Variants in BCL3 observed in about 807,000 individuals in gnomAD.
BCL3 encodes the protein BCL3 transcription coactivator.
Under a neutral mutation model 35.7 loss-of-function variants are expected in BCL3, and 15 were observed. That is an observed-to-expected ratio of 0.42 (90% CI 0.28 to 0.65). The LOEUF (loss-of-function observed/expected upper bound fraction) is 0.65. BCL3 is among the 30% of genes least tolerant of loss of function. The probability of loss-of-function intolerance (pLI) is 0.22; values close to 1 mark genes in which losing one functional copy is unlikely to be tolerated. For synonymous variants in BCL3, 311 were observed against 284.3 expected (o/e 1.09, Z -0.95); for missense variants, 565 against 641.7 (o/e 0.88, Z 1.29).
rs1166137929 is a variant in BCL3 at position 44,748,932 on chromosome 19, C to G, written c.142C>G (p.Arg48Gly). Residue 48 changes from arginine to glycine, a missense_variant, in exon 1 of 9, where the codon CGC becomes GGC. This residue lies in a region of BCL3 where 267 missense variants were observed against 281.5 expected (regional missense o/e 0.95). Transcript: ENST00000164227. ...RAPSPEPAAP[R>G]GAAGLVVPLD... ...GCCCTCCCCGGAGCCCGCCGCTCCC[C>G]GCGGCGCTGCGGGCCTTGTCGTCCC... 7 of 1,202,644 alleles carry G rather than the reference C, an allele frequency of 5.8e-6. No homozygotes were observed. Among genetic ancestry groups the G allele is most frequent in the Admixed American group, 4.3e-5 (1 of 23,246 alleles). 74.5% of individuals were successfully genotyped at this position (1,202,644 alleles called of 1,614,324 possible). A position where few individuals can be genotyped will look rare whatever the true frequency, so the allele number is the denominator to read the frequency against.
At chr19:44,755,606 C>T (rs1967264913) in intron 2 of BCL3, 1 of 152,382 alleles carries the variant, frequency 6.6e-6, no homozygotes, top group Non-Finnish European at 1.5e-5. Context: ...CCTCACCTCC[C>T]TTTTAGTCAA....
In BCL3 at chr19:44,756,512, G is replaced by A. The variant is rs371147596; in HGVS notation, c.519+172G>A. 8.8e-3 allele frequency among the ~76,000 whole-genome samples: 1,305 copies of A among 148,790 alleles called. 27 individuals are homozygous for A. Among genetic ancestry groups the A allele is most frequent in the South Asian group, 0.049 (226 of 4,592 alleles). Reference sequence around the variant, plus strand: ...CTCCTGGGTCTGATGGAGGAGGGCTGCGGGCCTGGGATCCGGGGTCTGATG... The same window carrying A: ...CTCCTGGGTCTGATGGAGGAGGGCTACGGGCCTGGGATCCGGGGTCTGATG... On this transcript the variant is annotated intron_variant, in intron 3 of 8. Coordinates refer to ENST00000164227, the MANE Select transcript of BCL3 (RefSeq NM_005178.5).
At chr19:44,755,544 A>G (rs772802983) in intron 2 of BCL3, 1 of 152,208 alleles carries the variant, frequency 6.6e-6, no homozygotes, top group Non-Finnish European at 1.5e-5. Flanking sequence ...TCAGTCTAGA[A>G]GGGGGTTCTG....
chr19:44,751,411 G>T (rs1444059646), intron 2 of BCL3, 31 bp downstream of exon 2: 4 of 1,526,856 alleles, frequency 2.6e-6, no homozygotes, highest in African/African-American at 1.4e-5. Flanking sequence ...AAGGGGAGGG[G>T]TGGTTGGGAA....
upstream of BCL3, chr19:44,748,668 C>G: frequency 9.7e-7 from 1 of 1,034,270 alleles, no homozygotes. Context: ...CGGCCGGCAC[C>G]GCCCCGGCCG....
Position 44,759,651 on chromosome 19 carries a change from G to C in BCL3, c.*36G>C. On this transcript the variant is annotated 3_prime_UTR_variant, in exon 9 of 9. Coordinates refer to ENST00000164227, the MANE Select transcript of BCL3 (RefSeq NM_005178.5). ...GGGGCAGATCTTGGACTCATGAGGA[G>C]GGGCCCCCCTGCCCTGTGGGGTCAA... The C allele has an allele frequency of 6.5e-7, 1 of 1,536,016 alleles. No homozygotes were observed. The highest frequency in any genetic ancestry group is 2.3e-5 in the East Asian group (1 of 43,144).
In BCL3 at chr19:44,759,784, C is replaced by T; in HGVS notation, c.*169C>T. 1 of 534,872 alleles carries T rather than the reference C, an allele frequency of 1.9e-6. No individual in the cohort carries two copies. Among genetic ancestry groups the T allele is most frequent in the South Asian group, 2.5e-5 (1 of 40,158 alleles). 33.1% of individuals were successfully genotyped at this position (534,872 alleles called of 1,614,324 possible). A position where few individuals can be genotyped will look rare whatever the true frequency, so the allele number is the denominator to read the frequency against. On this transcript the variant is annotated 3_prime_UTR_variant, in exon 9 of 9. Coordinates refer to ENST00000164227, the MANE Select transcript of BCL3 (RefSeq NM_005178.5). ...ACCCATACACCCCCTCTTCTGAGCA[C>T]AGATGTTCCCCCATCTCGCTCCCTC... is the stretch of plus-strand genomic sequence containing the variant.
intron 7 of BCL3, 118 bp downstream of exon 7, chr19:44,758,531 T>A: frequency 7.2e-7 from 1 of 1,393,084 alleles, no homozygotes; most frequent in Non-Finnish European, 9.7e-7. Flanking sequence ...TGGAGGGGAG[T>A]GGGTGAGCCT....
Position 44,757,489 on chromosome 19 carries a change from G to T in BCL3, c.813+74G>T. On this transcript the variant is annotated intron_variant, in intron 5 of 8. Coordinates refer to ENST00000164227, the MANE Select transcript of BCL3 (RefSeq NM_005178.5). The surrounding 1 kb of genome is among the most constrained non-coding windows in gnomAD (Gnocchi z 8.4). ...GGGTCTTGGCGGGGGCGGGGCCAGT[G>T]TGGGGCTGGCGTGGGAGAGCACCCG... The T allele has an allele frequency of 6.7e-7, 1 of 1,482,244 alleles. No homozygotes were observed. Among genetic ancestry groups the T allele is most frequent in the Non-Finnish European group, 9.2e-7 (1 of 1,090,120 alleles). The allele number at this position is 1,482,244 out of a possible 1,614,324, so 91.8% of individuals were successfully genotyped here.
At position 44,759,558 on chromosome 19, in the gene BCL3, G is replaced by T; in HGVS notation, c.1308G>T (p.Gly436=). ...CACCCGCCTTCCTGCCCTTTGCTGG[G>T]GTCCTCCGAGGCCCTGGCCGGCCGG... ...PSPPAFLPFA[G]VLRGPGRPVP... is the part of the protein sequence containing the mutation. Residue 436 remains glycine, a synonymous_variant, in exon 9 of 9, where the codon GGG becomes GGT. Coordinates refer to ENST00000164227, the MANE Select transcript of BCL3 (RefSeq NM_005178.5). 1 of 1,611,918 alleles carries T rather than the reference G, an allele frequency of 6.2e-7. No homozygotes were observed. The highest frequency in any genetic ancestry group is 1.1e-5 in the South Asian group (1 of 90,954).
At chr19:44,751,526 C>A in intron 2 of BCL3, 146 bp downstream of exon 2, 1 of 817,516 alleles carries the variant, frequency 1.2e-6, no homozygotes, top group Non-Finnish European at 1.8e-6. Context: ...CTTCCCTGCT[C>A]TGAGCCTCAG....
At position 44,759,966 on chromosome 19, in the gene BCL3, G is replaced by A. The variant is rs757965417; in HGVS notation, c.*351G>A. 11 of 295,954 alleles carry A rather than the reference G, an allele frequency of 3.7e-5. No homozygotes were observed. Among genetic ancestry groups the A allele is most frequent in the East Asian group, 2.1e-4 (4 of 18,658 alleles). The allele number at this position is 295,954 out of a possible 1,614,324, so 18.3% of individuals were successfully genotyped here. A position where few individuals can be genotyped will look rare whatever the true frequency, so the allele number is the denominator to read the frequency against. ...TAACTGAGGAGGGGAGAGGTGGGCC[G>A]TAACGGGCACGGATCACGATGTAAA... On this transcript the variant is annotated 3_prime_UTR_variant, in exon 9 of 9. Transcript: ENST00000164227.
upstream of BCL3, chr19:44,747,884 G>A (rs978980109): frequency 1.3e-4 from 146 of 1,151,098 alleles, no homozygotes; most frequent in Non-Finnish European, 1.5e-4. Context: ...CCGGCTGGGG[G>A]CAGGGCCCCC....
rs912065522 is a variant in BCL3, at chr19:44,758,729, C to T, written c.1065C>T (p.Ile355=). Residue 355 remains isoleucine, a synonymous_variant, in exon 8 of 9, where the codon ATC becomes ATT. Coordinates refer to ENST00000164227, the MANE Select transcript of BCL3 (RefSeq NM_005178.5). ...PLMVARSRRV[I]DILRGKATRP... ...TCACGCCCATCTTCCTACAGGTCAT[C>T]GACATCCTGAGGGGGAAGGCCACCC... The T allele has an allele frequency of 1.3e-6, 2 of 1,597,254 alleles. No homozygotes were observed. The highest frequency in any genetic ancestry group is 2.3e-5 in the East Asian group (1 of 44,298).
At chr19:44,749,284 T>TGGG (rs34390099) in intron 1 of BCL3, among the ~76,000 whole-genome samples, 34 of 103,874 alleles carry the variant, frequency 3.3e-4, no homozygotes, top group Middle Eastern at 4.3e-3. Flanking sequence ...CTGAGTGACG[T>TGGG]GGGGGGGGGG....
chr19:44,758,370 A>G lies in BCL3; in HGVS notation c.1016A>G (p.Asn339Ser). The G allele has an allele frequency of 6.5e-7, 1 of 1,550,246 alleles. No individual in the cohort carries two copies. Among genetic ancestry groups the G allele is most frequent in the South Asian group, 1.2e-5 (1 of 84,814 alleles). ...VRSGADSSLK[N>S]CHNDTPLMVA... ...AGCGGCGCTGACAGCAGCCTCAAGA[A>G]CTGCCACAACGACACGCCGCTCATG... Residue 339 changes from asparagine to serine, a missense_variant, in exon 7 of 9, where the codon AAC becomes AGC. Coordinates refer to ENST00000164227, the MANE Select transcript of BCL3 (RefSeq NM_005178.5).
chr19:44,753,802 C>G (rs961475266), intron 2 of BCL3, among the ~76,000 whole-genome samples: 1 of 18,454 alleles, frequency 5.4e-5, no homozygotes, highest in African/African-American at 1.2e-4. Flanking sequence ...AGCCAGAAAC[C>G]TGGGGAGGGG....
In BCL3 at chr19:44,759,559, G is replaced by T. The variant is rs750127828; in HGVS notation, c.1309G>T (p.Val437Phe). 13 of 1,611,908 alleles carry T rather than the reference G, an allele frequency of 8.1e-6. 1 individual carries two copies. In the South Asian group the frequency reaches 1.4e-4, roughly 18 times the overall value. The change falls in exon 9 of 9, where the codon GTC (valine) becomes TTC (phenylalanine). Residue 437 changes from valine (V) to phenylalanine (F), a missense_variant. Physicochemically the swap from Val to Phe is conservative, Grantham distance 50. Transcript: ENST00000164227. ...SPPAFLPFAG[V>F]LRGPGRPVPP... Reference sequence around the variant, plus strand: ...ACCCGCCTTCCTGCCCTTTGCTGGGGTCCTCCGAGGCCCTGGCCGGCCGGT... The same window carrying T: ...ACCCGCCTTCCTGCCCTTTGCTGGGTTCCTCCGAGGCCCTGGCCGGCCGGT...
intron 2 of BCL3, among the ~76,000 whole-genome samples, chr19:44,753,674 G>A (rs1874516224): frequency 6.6e-6 from 1 of 152,084 alleles, no homozygotes; most frequent in Admixed American, 6.5e-5. Flanking sequence ...AGGAGGGCGG[G>A]GGACGCTAAG....
Sources: allele counts gnomAD v4.1 joint callset (sites outside exome capture counted in the v4.1 genomes callset), GRCh38; gene constraint gnomAD v4.1.1; regional missense constraint gnomAD v4.1.1; non-coding constraint Gnocchi (gnomAD v3.1); transcripts MANE v1.5; gene names NCBI Gene and HGNC (gene_info 2026-07-23, HGNC 2026-07-21).